Variants in SIAE observed in about 807,000 individuals in gnomAD.
SIAE encodes the protein sialic acid acetylesterase, also known as sialate O-acetylesterase.
Under a neutral mutation model 52.6 loss-of-function variants are expected in SIAE, and 39 were observed. The ratio of observed to expected loss-of-function variants is 0.74; its 90% CI spans 0.57 to 0.97. The LOEUF is 0.97. SIAE is among the 50% of genes least tolerant of loss of function. The pLI is 0.00. For synonymous variants in SIAE, 233 were observed against 241.4 expected, an observed-to-expected ratio of 0.97 and a Z score of 0.32; for missense variants, 592 against 662.1, an observed-to-expected ratio of 0.89 and a Z score of 1.16.
At chr11:124,649,840 G>A in intron 4 of SIAE, 44 bp from the exon 5 acceptor site, 2 of 1,605,606 alleles carry the variant, frequency 1.2e-6, no homozygotes, top group Admixed American at 3.3e-5. Context: ...GAGAAAGGTT[G>A]ATGGATACAA....
In SIAE at chr11:124,645,345, G is replaced by A. The variant is rs1004933272; in HGVS notation, c.966+2020C>T. Among the ~76,000 whole-genome samples the A allele has an allele frequency of 7.9e-5, 12 of 151,150 alleles. No individual in the cohort carries two copies. The highest frequency in any genetic ancestry group is 4.6e-4 in the Admixed American group (7 of 15,164). ...TTTTTTTTTTTTGAGACGGAGTTTC[G>A]CTCTTATTGCCCAGGCTGAGTGCAA... On this transcript the variant is annotated intron_variant, in intron 7 of 9. Transcript: ENST00000263593. The surrounding 1 kb of genome is among the most constrained non-coding windows in gnomAD (Gnocchi z 4.7).
At chr11:124,654,925 G>A (rs1943074261) in intron 3 of SIAE, 132 bp from the exon 4 acceptor site, 2 of 1,002,492 alleles carry the variant, frequency 2.0e-6, no homozygotes, top group African/African-American at 1.6e-5. Context: ...AAAACCAATG[G>A]GCTGCACTGA....
chr11:124,642,927 G>C (rs139916673), intron 7 of SIAE, among the ~76,000 whole-genome samples: 1 of 152,042 alleles, frequency 6.6e-6, no homozygotes, highest in Non-Finnish European at 1.5e-5. Flanking sequence ...GCTTCAAGGA[G>C]GTGAATTCTG....
chr11:124,656,057 T>G (rs77779141), intron 3 of SIAE, among the ~76,000 whole-genome samples: 1 of 152,154 alleles, frequency 6.6e-6, no homozygotes, highest in Non-Finnish European at 1.5e-5. Flanking sequence ...ATAAGGTATA[T>G]AGGAAACATA....
At chr11:124,662,970 C>A (rs896382261) in intron 2 of SIAE, among the ~76,000 whole-genome samples, 2 of 151,866 alleles carry the variant, frequency 1.3e-5, no homozygotes, top group African/African-American at 4.8e-5. Context: ...CATGGTGAAA[C>A]CCTGTCTCTA....
At chr11:124,647,870 C>T (rs568485950) in intron 6 of SIAE, among the ~76,000 whole-genome samples, 196 bp downstream of exon 6, 2 of 152,252 alleles carry the variant, frequency 1.3e-5, no homozygotes, top group South Asian at 4.1e-4. Flanking sequence ...TGCCAGGTGG[C>T]CAAAGACACA....
At chr11:124,675,105 G>A (rs894571614), upstream of SIAE, 11 of 834,334 alleles carry the variant, frequency 1.3e-5, no homozygotes, top group Admixed American at 3.1e-5. Context: ...AAATGGATGG[G>A]CTTGGGTTGT....
intron 3 of SIAE, among the ~76,000 whole-genome samples, chr11:124,655,027 C>T (rs1017881960): frequency 6.6e-6 from 1 of 152,068 alleles, no homozygotes; most frequent in African/African-American, 2.4e-5. Flanking sequence ...TCTTAAGGAG[C>T]AGGTCTATGT....
intron 6 of SIAE, 23 bp downstream of exon 6, chr11:124,648,043 G>T (rs777057487): frequency 9.6e-6 from 15 of 1,560,982 alleles, no homozygotes; most frequent in Non-Finnish European, 1.2e-5. Context: ...ATACAATGGA[G>T]AAAGAGTACA....
rs180938477 is a variant in SIAE at position 124,663,505 on chromosome 11, C to T, written c.230-2702G>A. On this transcript the variant is annotated intron_variant, in intron 2 of 9. Coordinates refer to ENST00000263593, the MANE Select transcript of SIAE (RefSeq NM_170601.5). ...AGGAGTATGGTGTGAACCCGGGAGG[C>T]GGAGCTTGCAGTGAGCCGAGACTGT... is the stretch of plus-strand genomic sequence containing the variant. Among the ~76,000 whole-genome samples, 1,329 of 152,046 alleles carry T rather than the reference C, an allele frequency of 8.7e-3. 10 individuals are homozygous for T. Among genetic ancestry groups the T allele is most frequent in the Non-Finnish European group, 0.014 (955 of 67,950 alleles).
chr11:124,664,271 C>T (rs1047235956), intron 2 of SIAE, among the ~76,000 whole-genome samples: 3 of 151,056 alleles, frequency 2.0e-5, no homozygotes, highest in South Asian at 2.1e-4. Flanking sequence ...CTCACTCTGT[C>T]GCCAGGCTGG....
chr11:124,673,847 C>A (rs1943416490), upstream of SIAE: 14 of 850,328 alleles, frequency 1.6e-5, no homozygotes, highest in South Asian at 2.4e-4. Context: ...GCTGTACTCG[C>A]CCCTTCTCGG....
At chr11:124,640,722 C>T (rs116284491) in intron 7 of SIAE, among the ~76,000 whole-genome samples, 8,444 of 152,254 alleles carry the variant, frequency 0.055, 789 homozygotes, top group African/African-American at 0.19. Flanking sequence ...AGTATGTTTC[C>T]CAAACCCTTG....
intron 4 of SIAE, among the ~76,000 whole-genome samples, chr11:124,652,524 G>A (rs1211119180): frequency 5.3e-5 from 8 of 151,836 alleles, no homozygotes; most frequent in African/African-American, 1.5e-4. Context: ...GTGAAACCCC[G>A]TCTCTACTAA....
chr11:124,638,609 T>C lies in SIAE; in HGVS notation c.1253A>G (p.Lys418Arg). The change falls in exon 9 of 10, where the codon AAG becomes AGG. Residue 418 changes from lysine (K) to arginine (R), a missense_variant. Transcript: ENST00000263593. ...GTAATATGTGAGATTGAGCAGCCCCTTGTGAGCCAAGAGTTCTATCTTCTC... is the reference window on the plus strand; with the variant it reads ...GTAATATGTGAGATTGAGCAGCCCCCTGTGAGCCAAGAGTTCTATCTTCTC... ...LPEKIELLAH[K>R]GLLNLTYYQQ... 1.9e-6 allele frequency: 3 copies of C among 1,614,206 alleles called. No homozygotes were observed. Among genetic ancestry groups the C allele is most frequent in the Non-Finnish European group, 2.5e-6 (3 of 1,180,028 alleles).
chr11:124,654,449 C>A (rs1373777859), intron 4 of SIAE: 1 of 985,302 alleles, frequency 1.0e-6, no homozygotes. Context: ...AGACTCATTT[C>A]CCCACAGCAA....
intron 4 of SIAE, among the ~76,000 whole-genome samples, chr11:124,651,738 G>A (rs1485243365): frequency 1.3e-5 from 2 of 152,146 alleles, no homozygotes; most frequent in African/African-American, 2.4e-5. Context: ...TCTGTGCATC[G>A]CTCCATCACT....
At chr11:124,642,618 C>T (rs1241918136) in intron 7 of SIAE, among the ~76,000 whole-genome samples, 1 of 152,150 alleles carries the variant, frequency 6.6e-6, no homozygotes, top group Non-Finnish European at 1.5e-5. Context: ...CACAGGGAGC[C>T]GCATCCTTAT....
chr11:124,649,396 T>C (rs1229018464), intron 5 of SIAE, among the ~76,000 whole-genome samples: 1 of 152,046 alleles, frequency 6.6e-6, no homozygotes, highest in Non-Finnish European at 1.5e-5. Flanking sequence ...CACTAGCTAT[T>C]ACTATTACTG....
Sources: gnomAD v4.1 joint callset for allele counts (sites outside exome capture counted in the v4.1 genomes callset) on GRCh38, gnomAD v4.1.1 for gene constraint, Gnocchi (gnomAD v3.1) non-coding constraint, MANE v1.5 for transcripts, NCBI Gene and HGNC (gene_info 2026-07-23, HGNC 2026-07-21) for gene names.